The following TRIM36 variants were observed in gnomAD, a reference collection of about 807,000 sequenced individuals.
TRIM36 encodes the protein E3 ubiquitin-protein ligase TRIM36.
Under a neutral mutation model 72.4 loss-of-function variants are expected in TRIM36, and 42 were observed. The observed-to-expected ratio is 0.58, with a 90% CI of 0.45 to 0.75. The LOEUF (loss-of-function observed/expected upper bound fraction) is 0.75, where lower values mean the gene tolerates loss of function less well. Ranked by LOEUF, TRIM36 falls within the 30% of genes least tolerant of loss-of-function variation. The pLI is 0.00. For missense variants in TRIM36, 913 were observed against 857.1 expected (o/e 1.07, Z -0.81); for synonymous variants, 315 against 282.8 (o/e 1.11, Z -1.14).
chr5:115,157,838 T>G (rs1754263896), intron 2 of TRIM36, among the ~76,000 whole-genome samples: 1 of 152,196 alleles, frequency 6.6e-6, no homozygotes, highest in East Asian at 1.9e-4. Flanking sequence ...CTGGAGACTA[T>G]TATTCTTAGT....
At chr5:115,152,587 A>T (rs186389222) in intron 2 of TRIM36, among the ~76,000 whole-genome samples, 1 of 152,334 alleles carries the variant, frequency 6.6e-6, no homozygotes, top group Admixed American at 6.5e-5. Context: ...ACCAGTTAAG[A>T]CAAAGGAAAG....
chr5:115,136,782 T>C (rs761039353), intron 7 of TRIM36, among the ~76,000 whole-genome samples: 19 of 152,348 alleles, frequency 1.2e-4, no homozygotes, highest in South Asian at 4.1e-4. Context: ...ATGCTATTTA[T>C]GCAATGTTTA....
At chr5:115,150,712 G>A (rs1011792794) in intron 2 of TRIM36, among the ~76,000 whole-genome samples, 8 of 152,188 alleles carry the variant, frequency 5.3e-5, no homozygotes, top group Non-Finnish European at 1.2e-4. Context: ...TAAATACTGC[G>A]AGGGCCCAAA....
chr5:115,133,348 C>G (rs939727827), intron 8 of TRIM36, among the ~76,000 whole-genome samples: 1 of 152,022 alleles, frequency 6.6e-6, no homozygotes, highest in Non-Finnish European at 1.5e-5. Context: ...GAGCTTTTAG[C>G]GTGGGAGGAA....
At chr5:115,132,198 GTGTGTGTATA>G (rs1752723526) in intron 8 of TRIM36, among the ~76,000 whole-genome samples, 1 of 149,704 alleles carries the variant, frequency 6.7e-6, no homozygotes, top group South Asian at 2.1e-4. Context: ...GTGTGTGTGT[GTGTGTGTATA>G]TATATATATA....
At chr5:115,154,074 GAA>G (rs1754035208) in intron 2 of TRIM36, among the ~76,000 whole-genome samples, 1 of 150,104 alleles carries the variant, frequency 6.7e-6, no homozygotes, top group Admixed American at 6.6e-5. Context: ...ACCTGCTCCT[GAA>G]TGAGCACAGG....
At chr5:115,173,523 T>G (rs937900653), upstream of TRIM36, among the ~76,000 whole-genome samples, 1 of 120,962 alleles carries the variant, frequency 8.3e-6, no homozygotes, top group Admixed American at 7.4e-5. Context: ...TGTATTTGAA[T>G]GTGTGTGTGT....
At chr5:115,165,843 C>T (rs946912429) in intron 1 of TRIM36, among the ~76,000 whole-genome samples, 8 of 152,184 alleles carry the variant, frequency 5.3e-5, no homozygotes, top group Non-Finnish European at 1.2e-4. Context: ...GCTCCTACTG[C>T]TTGGCCTCTC....
Position 115,144,727 on chromosome 5 carries a change from T to A in TRIM36, c.606A>T (p.Glu202Asp). 6.2e-7 allele frequency: 1 copy of A among 1,613,162 alleles called. No individual in the cohort carries two copies. The highest frequency in any genetic ancestry group is 1.1e-5 in the South Asian group (1 of 90,722). Residue 202 changes from glutamate to aspartate, a missense_variant, in exon 4 of 10, where the codon GAA (glutamate) becomes GAT (aspartate). Coordinates refer to ENST00000513154, the MANE Select transcript of TRIM36 (RefSeq NM_001300759.2). The stretch of plus-strand genomic sequence containing the variant: ...ACATGTTTATTCTCTCTGTTTCATG[T>A]TCTGGGCACATTAAAATCTATTGAG... ...NFRPKILMCP[E>D]HETERINMYC... is the part of the protein sequence containing the mutation.
chr5:115,133,335 A>C (rs1752791517), intron 8 of TRIM36, among the ~76,000 whole-genome samples: 1 of 152,176 alleles, frequency 6.6e-6, no homozygotes, highest in Non-Finnish European at 1.5e-5. Context: ...GACTGGGCAT[A>C]AGGAGCTTTT....
At chr5:115,148,473 G>T in intron 2 of TRIM36, 1 of 540,046 alleles carries the variant, frequency 1.9e-6, no homozygotes, top group Non-Finnish European at 2.3e-6. Flanking sequence ...AGGCTGGAGT[G>T]TGATCTCGGC....
chr5:115,137,457 G>C lies in TRIM36; in HGVS notation c.991C>G (p.Leu331Val). ...TATCCCACAAGTCCATTGTTCTCTAGAAGTCCCTGGTACTCTTCCATTTGA... is the reference window on the plus strand; with the variant it reads ...TATCCCACAAGTCCATTGTTCTCTACAAGTCCCTGGTACTCTTCCATTTGA... ...QTQMEEYQGLLENNGLVGYAQ... is the reference protein window; with the variant it reads ...QTQMEEYQGLVENNGLVGYAQ... Residue 331 changes from leucine (L) to valine (V), a missense_variant, in exon 6 of 10, where the codon CTA becomes GTA. By Grantham distance (32) the Leu-to-Val change is conservative. Coordinates refer to ENST00000513154, the MANE Select transcript of TRIM36 (RefSeq NM_001300759.2). 6.2e-7 allele frequency: 1 copy of C among 1,614,126 alleles called. No individual in the cohort carries two copies. The highest frequency in any genetic ancestry group is 8.5e-7 in the Non-Finnish European group (1 of 1,180,024).
intron 2 of TRIM36, among the ~76,000 whole-genome samples, chr5:115,159,217 A>G (rs1005153496): frequency 1.3e-5 from 2 of 152,224 alleles, no homozygotes; most frequent in Non-Finnish European, 2.9e-5. Context: ...ACGAGCAAAG[A>G]TATCATTAAA....
At position 115,130,948 on chromosome 5, in the gene TRIM36, A is replaced by G. The variant is rs1183856813; in HGVS notation, c.1499-59T>C. ...AATTATCATTGCTCTAGTTTGTTAA[A>G]TCTGATAGGTTTTCTTACAGAAATT... is the stretch of plus-strand genomic sequence containing the variant. On this transcript the variant is annotated intron_variant, in intron 8 of 9. Transcript: ENST00000513154. 2.0e-6 allele frequency: 3 copies of G among 1,517,508 alleles called. No individual in the cohort carries two copies. The African/African-American group carries it at 4.2e-5, about 21-fold the overall frequency. The allele number at this position is 1,517,508 out of a possible 1,614,324, so 94.0% of individuals were successfully genotyped here.
chr5:115,168,090 T>TCC (rs1754889546), intron 1 of TRIM36, among the ~76,000 whole-genome samples: 1 of 152,088 alleles, frequency 6.6e-6, no homozygotes, highest in South Asian at 2.1e-4. Flanking sequence ...CACGATCCAA[T>TCC]CACCTCCCAC....
At chr5:115,179,649 C>G (rs1755521393) in intron 1 of TRIM36, among the ~76,000 whole-genome samples, 1 of 152,258 alleles carries the variant, frequency 6.6e-6, no homozygotes, top group African/African-American at 2.4e-5. Flanking sequence ...GGCAGCGCCC[C>G]CTTGGCCAAC....
chr5:115,131,566 G>C (rs1051073593), intron 8 of TRIM36, among the ~76,000 whole-genome samples: 3 of 152,092 alleles, frequency 2.0e-5, no homozygotes, highest in African/African-American at 7.2e-5. Context: ...GGAAACAACA[G>C]AAAGTCCATC....
chr5:115,129,185 C>G (rs1752519601), intron 9 of TRIM36, among the ~76,000 whole-genome samples: 1 of 152,168 alleles, frequency 6.6e-6, no homozygotes, highest in African/African-American at 2.4e-5. Flanking sequence ...TAAGAACACT[C>G]TATGATGTTC....
At chr5:115,138,865 T>C (rs1753115943) in intron 5 of TRIM36, among the ~76,000 whole-genome samples, 1 of 151,886 alleles carries the variant, frequency 6.6e-6, no homozygotes, top group South Asian at 2.1e-4. Context: ...GCCCAGGCTG[T>C]AGTGCAGTGG....
Sources: allele counts gnomAD v4.1 joint callset (sites outside exome capture counted in the v4.1 genomes callset), GRCh38; gene constraint gnomAD v4.1.1; transcripts MANE v1.5; gene names NCBI Gene and HGNC (gene_info 2026-07-23, HGNC 2026-07-21).